The following SH2B3 variants were observed in gnomAD, a reference collection of about 807,000 sequenced individuals.
The protein encoded by SH2B3 is SH2B adaptor protein 3, also known as SH2B adapter protein 3.
In SH2B3, 43 loss-of-function variants were observed where a neutral mutation model predicts 51.9. The observed-to-expected ratio is 0.83, with a 90% CI of 0.65 to 1.07. The LOEUF (loss-of-function observed/expected upper bound fraction) is 1.07. Among genes scored for constraint, SH2B3 ranks in the 50% least tolerant of loss-of-function variants. The pLI, the probability that SH2B3 is intolerant of heterozygous loss-of-function variation, is 0.00. For synonymous variants in SH2B3, 396 were observed against 376.0 expected (o/e 1.05, Z -0.62); for missense variants, 952 against 834.3 (o/e 1.14, Z -1.74).
chr12:111,432,831 T>C (rs1409779137), intron 2 of SH2B3, among the ~76,000 whole-genome samples: 3 of 152,272 alleles, frequency 2.0e-5, no homozygotes, highest in South Asian at 2.1e-4. Flanking sequence ...AGTTACAGCA[T>C]GTATTTTGTT....
At chr12:111,411,284 G>A (rs1593028035) in intron 1 of SH2B3, among the ~76,000 whole-genome samples, 1 of 151,280 alleles carries the variant, frequency 6.6e-6, no homozygotes, top group Middle Eastern at 3.4e-3. Context: ...AACCCACAAG[G>A]TCATGGTTGC....
intron 7 of SH2B3, 46 bp downstream of exon 7, chr12:111,447,873 T>G: frequency 6.3e-7 from 1 of 1,591,182 alleles, no homozygotes; most frequent in Non-Finnish European, 8.6e-7. Context: ...TGACACTGGG[T>G]AGAGGGTAGA....
intron 2 of SH2B3, among the ~76,000 whole-genome samples, chr12:111,434,533 G>A (rs552571504): frequency 3.3e-5 from 5 of 152,308 alleles, no homozygotes; most frequent in East Asian, 1.9e-4. Context: ...CCTGGTTTCC[G>A]ATTTGACTTT....
At chr12:111,414,531 G>A (rs1478929367) in intron 1 of SH2B3, among the ~76,000 whole-genome samples, 11 of 151,950 alleles carry the variant, frequency 7.2e-5, no homozygotes, top group South Asian at 4.2e-4. Flanking sequence ...TCTAGGCTGC[G>A]GTGAGCCATG....
At chr12:111,405,392 C>G (rs1449928026), upstream of SH2B3, among the ~76,000 whole-genome samples, 1 of 144,788 alleles carries the variant, frequency 6.9e-6, no homozygotes, top group African/African-American at 2.5e-5. This position sits in a 1 kb window ranked among gnomAD's most constrained non-coding sequence, Gnocchi z 5.4. Flanking sequence ...GGCTCCCTCC[C>G]TGGGGCGATG....
intron 2 of SH2B3, among the ~76,000 whole-genome samples, chr12:111,439,375 C>A (rs1369430290): frequency 6.6e-6 from 1 of 152,208 alleles, no homozygotes; most frequent in Non-Finnish European, 1.5e-5. Context: ...TCTCTAACTC[C>A]TGACCTCAGG....
chr12:111,440,209 A>C (rs992186686), intron 2 of SH2B3, among the ~76,000 whole-genome samples: 2 of 152,194 alleles, frequency 1.3e-5, no homozygotes, highest in African/African-American at 4.8e-5. Flanking sequence ...TCCCCCTTGG[A>C]GGTCTCTTGA....
intron 2 of SH2B3, among the ~76,000 whole-genome samples, chr12:111,421,889 C>T (rs929872410): frequency 6.6e-6 from 1 of 152,210 alleles, no homozygotes; most frequent in Admixed American, 6.5e-5. Flanking sequence ...CACATCCTTT[C>T]ATTTCTCTCA....
intron 2 of SH2B3, chr12:111,444,793 T>C: frequency 1.0e-6 from 1 of 985,634 alleles, no homozygotes; most frequent in Non-Finnish European, 1.2e-6. Flanking sequence ...GGGGTTGTCC[T>C]GCGCCCATGT....
chr12:111,448,359 G>C lies in SH2B3; in HGVS notation c.*57G>C. 8.2e-7 allele frequency: 1 copy of C among 1,218,416 alleles called. No homozygotes were observed. The highest frequency in any genetic ancestry group is 1.2e-6 in the Non-Finnish European group (1 of 858,050). 75.5% of individuals were successfully genotyped at this position (1,218,416 alleles called of 1,614,324 possible). The stretch of plus-strand genomic sequence containing the variant: ...CCTTGAGGAGCACAGGCAGAAGTGT[G>C]AACTTGTGAATGTAATTGATCTTTC... On this transcript the variant is annotated 3_prime_UTR_variant, in exon 8 of 8. Coordinates refer to ENST00000341259, the MANE Select transcript of SH2B3 (RefSeq NM_005475.3).
Position 111,418,303 on chromosome 12 carries a change from C to T in SH2B3, c.158C>T (p.Pro53Leu), listed in dbSNP as rs1449097210. Residue 53 changes from proline (P) to leucine (L), a missense_variant, in exon 2 of 8, where the codon CCG (proline) becomes CTG (leucine). Transcript: ENST00000341259. This position sits in a 1 kb window ranked among gnomAD's most constrained non-coding sequence, Gnocchi z 6.7. Reference protein sequence around the residue: ...RQYWLFAREHPQHAPLRAELV... With the variant: ...RQYWLFAREHLQHAPLRAELV... ...TACTGGCTGTTCGCCCGGGAGCATC[C>T]GCAGCACGCGCCGCTGCGCGCCGAG... is the stretch of plus-strand genomic sequence containing the variant. 2 of 1,531,870 alleles carry T rather than the reference C, an allele frequency of 1.3e-6. No individual in the cohort carries two copies. The highest frequency in any genetic ancestry group is 1.2e-5 in the South Asian group (1 of 84,136). The allele number at this position is 1,531,870 out of a possible 1,614,324, so 94.9% of individuals were successfully genotyped here.
intron 1 of SH2B3, among the ~76,000 whole-genome samples, chr12:111,408,284 T>C (rs1011797822): frequency 1.3e-5 from 2 of 152,098 alleles, no homozygotes; most frequent in Non-Finnish European, 2.9e-5. Context: ...GAACCATGAA[T>C]GAGTGAATTC....
intron 2 of SH2B3, among the ~76,000 whole-genome samples, chr12:111,439,366 C>T (rs1873191022): frequency 6.6e-6 from 1 of 152,196 alleles, no homozygotes; most frequent in Non-Finnish European, 1.5e-5. Context: ...TCAGGCTGGT[C>T]TCTAACTCCT....
chr12:111,439,024 G>T (rs1873153839), intron 2 of SH2B3, among the ~76,000 whole-genome samples: 1 of 152,256 alleles, frequency 6.6e-6, no homozygotes, highest in Admixed American at 6.5e-5. Context: ...CTGCAGTGCA[G>T]TGCAGTGGCG....
rs1447686618 is a variant in SH2B3, at chr12:111,449,176, T to TA, written c.*875dup. 6.6e-6 allele frequency: 1 copy of TA among 152,628 alleles called. No homozygotes were observed. The highest frequency in any genetic ancestry group is 1.5e-5 in the Non-Finnish European group (1 of 68,040). The allele number at this position is 152,628 out of a possible 1,614,324, so 9.5% of individuals were successfully genotyped here. On this transcript the variant is annotated 3_prime_UTR_variant, in exon 8 of 8. Transcript: ENST00000341259. ...CAAGAACAGTTCTATCCTGGTGCCT[T>TA]ACGAATAAAAAACTGGATTCTGGTT...
rs756297641 is a variant in SH2B3 at position 111,435,042 on chromosome 12, C to T, written c.733-11711C>T. ...GTTCTTCGAAGGCAGGCAGTAGCTA[C>T]CGTTGTCTGGGGCTTTGGGGATCTT... On this transcript the variant is annotated intron_variant, in intron 2 of 7. Coordinates refer to ENST00000341259, the MANE Select transcript of SH2B3 (RefSeq NM_005475.3). This position sits in a 1 kb window ranked among gnomAD's most constrained non-coding sequence, Gnocchi z 4.8. 5.9e-6 allele frequency: 9 copies of T among 1,530,970 alleles called. No individual in the cohort carries two copies. In the South Asian group the frequency reaches 7.1e-5, roughly 12 times the overall value. 94.8% of individuals were successfully genotyped at this position (1,530,970 alleles called of 1,614,324 possible).
rs1871223364 is a variant in SH2B3, at chr12:111,418,203, G to A, written c.58G>A (p.Ala20Thr). 2 of 1,577,238 alleles carry A rather than the reference G, an allele frequency of 1.3e-6. No homozygotes were observed. The highest frequency in any genetic ancestry group is 1.7e-6 in the Non-Finnish European group (2 of 1,172,206). ...CTCTTCCGCGCCCTCAGCCTCCCCG[G>A]CGGCGGCCCCGCGGGGCTGGAGCGA... ...SPSSAPSASP[A>T]AAPRGWSEFC... Residue 20 changes from alanine to threonine, a missense_variant, in exon 2 of 8, where the codon GCG becomes ACG. Coordinates refer to ENST00000341259, the MANE Select transcript of SH2B3 (RefSeq NM_005475.3). The surrounding 1 kb of genome is among the most constrained non-coding windows in gnomAD (Gnocchi z 6.7).
In SH2B3 at chr12:111,418,467, C is replaced by G. The variant is rs1239829150; in HGVS notation, c.322C>G (p.Pro108Ala). The change falls in exon 2 of 8, where the codon CCC becomes GCC. Residue 108 changes from proline to alanine, a missense_variant. Transcript: ENST00000341259. This position sits in a 1 kb window ranked among gnomAD's most constrained non-coding sequence, Gnocchi z 6.7. ...GGCCGAGGCGTCCCCGGAGCCAGGC[C>G]CCGGCCCCGCCGCCCCTGGCCTGCC... ...AKAEASPEPGPGPAAPGLPKA... is the reference protein window; with the variant it reads ...AKAEASPEPGAGPAAPGLPKA... The G allele has an allele frequency of 3.7e-6, 5 of 1,359,994 alleles. No homozygotes were observed. The highest frequency in any genetic ancestry group is 4.7e-6 in the Non-Finnish European group (5 of 1,062,742). The allele number at this position is 1,359,994 out of a possible 1,614,324, so 84.2% of individuals were successfully genotyped here.
intron 2 of SH2B3, chr12:111,443,548 GTAAT>G (rs2135600290): frequency 6.6e-6 from 1 of 152,360 alleles, no homozygotes; most frequent in South Asian, 2.1e-4. Flanking sequence ...TCCCTGTCTT[GTAAT>G]TAGTTAGGGT....
Sources: gnomAD v4.1 joint callset for allele counts (sites outside exome capture counted in the v4.1 genomes callset) on GRCh38, gnomAD v4.1.1 for gene constraint, Gnocchi (gnomAD v3.1) non-coding constraint, MANE v1.5 for transcripts, NCBI Gene and HGNC (gene_info 2026-07-23, HGNC 2026-07-21) for gene names.